The following PCSK1 variants were observed in gnomAD, a reference collection of about 807,000 sequenced individuals.
PCSK1 encodes neuroendocrine convertase 1.
In PCSK1, 56 loss-of-function variants were observed where a neutral mutation model predicts 90.6. That is an observed-to-expected ratio of 0.62 (90% CI 0.50 to 0.77). PCSK1 has a LOEUF of 0.77. Among genes scored for constraint, PCSK1 ranks in the 30% least tolerant of loss-of-function variants. The pLI, the probability that PCSK1 is intolerant of heterozygous loss-of-function variation, is 0.00. For synonymous variants in PCSK1, 348 were observed against 342.4 expected, an observed-to-expected ratio of 1.02 and a Z score of -0.18; for missense variants, 801 against 932.6, an observed-to-expected ratio of 0.86 and a Z score of 1.84.
chr5:96,400,384 T>A (rs1259795887), intron 9 of PCSK1, among the ~76,000 whole-genome samples, 198 bp from the exon 10 acceptor site: 1 of 152,268 alleles, frequency 6.6e-6, no homozygotes, highest in Non-Finnish European at 1.5e-5. Flanking sequence ...CTTCTCCCTG[T>A]AACATATAAG....
Position 96,428,986 on chromosome 5 carries a change from C to T in PCSK1, c.285+227G>A, listed in dbSNP as rs13159579. Reference sequence around the variant, plus strand: ...TATATGTAATTATATAATTAAACTGCGTATATATGTGTAAAATTAACTTTG... The same window carrying T: ...TATATGTAATTATATAATTAAACTGTGTATATATGTGTAAAATTAACTTTG... On this transcript the variant is annotated intron_variant, in intron 2 of 13. Transcript: ENST00000311106. Among the ~76,000 whole-genome samples the T allele has an allele frequency of 0.27, 40,368 of 151,740 alleles. 5,501 individuals are homozygous for T. Among genetic ancestry groups the T allele is most frequent in the African/African-American group, 0.29 (12,065 of 41,398 alleles).
At position 96,398,875 on chromosome 5, in the gene PCSK1, T is replaced by C. The variant is rs1482048841; in HGVS notation, c.1588+4A>G. On this transcript the variant is annotated splice_donor_region_variant and intron_variant, in intron 11 of 13. Coordinates refer to ENST00000311106, the MANE Select transcript of PCSK1 (RefSeq NM_000439.5). Reference sequence around the variant, plus strand: ...ATAAATGGCTTAGAACTTTTTTAATTTACCAGCAGCAGAAGTAAGTGTGAC... The same window carrying C: ...ATAAATGGCTTAGAACTTTTTTAATCTACCAGCAGCAGAAGTAAGTGTGAC... 6.2e-7 allele frequency: 1 copy of C among 1,612,060 alleles called. No individual in the cohort carries two copies.
chr5:96,411,527 G>T (rs891049452), intron 7 of PCSK1, among the ~76,000 whole-genome samples: 1 of 152,184 alleles, frequency 6.6e-6, no homozygotes, highest in Admixed American at 6.5e-5. Flanking sequence ...CAAGGCTTTA[G>T]AATCTGTGCA....
rs758668028 is a variant in PCSK1 at position 96,433,065 on chromosome 5, A to T, written c.-23T>A. ...CATAGCTCACACACTCGCTTGAACAAGAGTGGGAAGGGAAGAGGAAAAAGA... is the reference window on the plus strand; with the variant it reads ...CATAGCTCACACACTCGCTTGAACATGAGTGGGAAGGGAAGAGGAAAAAGA... On this transcript the variant is annotated 5_prime_UTR_variant, in exon 1 of 14. It adds an upstream start codon to the 5' untranslated region. Transcript: ENST00000311106. 5 of 1,610,232 alleles carry T rather than the reference A, an allele frequency of 3.1e-6. No individual in the cohort carries two copies. The highest frequency in any genetic ancestry group is 3.4e-6 in the Non-Finnish European group (4 of 1,176,612).
intron 9 of PCSK1, among the ~76,000 whole-genome samples, chr5:96,407,740 T>C (rs1032778023): frequency 2.0e-5 from 3 of 152,216 alleles, no homozygotes; most frequent in Non-Finnish European, 4.4e-5. Flanking sequence ...AAATCTCATG[T>C]CCCCTGATGT....
chr5:96,429,687 G>A (rs114087215), intron 1 of PCSK1, among the ~76,000 whole-genome samples: 3,728 of 152,166 alleles, frequency 0.024, 151 homozygotes, highest in African/African-American at 0.085. Context: ...GCTCTCACTT[G>A]TGAGTGAGAA....
rs1760929057 is a variant in PCSK1 at position 96,416,063 on chromosome 5, C to T, written c.679G>A (p.Val227Ile). 3.1e-6 allele frequency: 5 copies of T among 1,612,612 alleles called. No individual in the cohort carries two copies. Among genetic ancestry groups the T allele is most frequent in the Admixed American group, 1.7e-5 (1 of 59,998 alleles). Residue 227 changes from valine (V) to isoleucine (I), a missense_variant, in exon 6 of 14, where the codon GTT becomes ATT. Transcript: ENST00000311106. ...ACTTTGGAATTGTATGCAACTCCAA[C>T]CCCGCATTTGTGATTATTTGCTTGC... ...AMQANNHKCG[V>I]GVAYNSKVGG...
Position 96,399,029 on chromosome 5 carries a change from T to C in PCSK1, c.1438A>G (p.Lys480Glu), listed in dbSNP as rs1477642168. 6.2e-7 allele frequency: 1 copy of C among 1,609,102 alleles called. No homozygotes were observed. Among genetic ancestry groups the C allele is most frequent in the Non-Finnish European group, 8.5e-7 (1 of 1,176,444 alleles). ...TCAATGATAACTTCTCCATTAGCTT[T>C]CAGGGCTCTAAATACATTAAAGAAT... ...KDNDFEPRAL[K>E]ANGEVIIEIP... Residue 480 changes from lysine (K) to glutamate (E), a missense_variant, in exon 11 of 14, where the codon AAA (lysine) becomes GAA (glutamate). Transcript: ENST00000311106.
chr5:96,430,215 G>A lies in PCSK1; in HGVS notation c.181-898C>T, dbSNP rs146770512. ...TCTCCGGGTATCTATTGACATCTTT[G>A]GTTCATTTAGGACTATATTCATTAT... On this transcript the variant is annotated intron_variant, in intron 1 of 13. Transcript: ENST00000311106. Among the ~76,000 whole-genome samples, 607 of 152,196 alleles carry A rather than the reference G, an allele frequency of 4.0e-3. 3 individuals are homozygous for A. The highest frequency in any genetic ancestry group is 0.014 in the African/African-American group (586 of 41,524).
rs114790394 is a variant in PCSK1, at chr5:96,405,475, A to T, written c.1196+2748T>A. 3.2e-3 allele frequency among the ~76,000 whole-genome samples: 490 copies of T among 152,304 alleles called. 1 individual carries two copies. Among genetic ancestry groups the T allele is most frequent in the African/African-American group, 0.011 (456 of 41,566 alleles). On this transcript the variant is annotated intron_variant, in intron 9 of 13. Coordinates refer to ENST00000311106, the MANE Select transcript of PCSK1 (RefSeq NM_000439.5). ...CAGAGACTGAGATTAATGAGGCTAGATCATTCCTAGATCATTTTCTCCTAC... is the reference window on the plus strand; with the variant it reads ...CAGAGACTGAGATTAATGAGGCTAGTTCATTCCTAGATCATTTTCTCCTAC...
intron 3 of PCSK1, among the ~76,000 whole-genome samples, chr5:96,424,288 C>A (rs1289583942): frequency 6.6e-6 from 1 of 152,092 alleles, no homozygotes; most frequent in African/African-American, 2.4e-5. Flanking sequence ...GGTGGGGTGA[C>A]AAGTATTTGC....
At chr5:96,423,723 G>C (rs1761196975) in intron 3 of PCSK1, among the ~76,000 whole-genome samples, 1 of 152,092 alleles carries the variant, frequency 6.6e-6, no homozygotes, top group Admixed American at 6.5e-5. Flanking sequence ...GAACTACATG[G>C]CTTTGAAGAA....
intron 8 of PCSK1, among the ~76,000 whole-genome samples, chr5:96,408,545 G>A (rs952030736): frequency 9.2e-5 from 14 of 152,212 alleles, no homozygotes; most frequent in African/African-American, 3.4e-4. Flanking sequence ...GCAGCAAGAT[G>A]CCTTTTCTGG....
intron 10 of PCSK1, 39 bp downstream of exon 10, chr5:96,399,914 A>T (rs763662363): frequency 6.9e-7 from 1 of 1,454,376 alleles, no homozygotes; most frequent in Non-Finnish European, 9.7e-7. Flanking sequence ...AAATTATGCC[A>T]TGGGCACACA....
chr5:96,420,226 CAG>C (rs925957017), intron 5 of PCSK1, among the ~76,000 whole-genome samples: 55 of 152,270 alleles, frequency 3.6e-4, no homozygotes, highest in African/African-American at 1.2e-3. Flanking sequence ...GGAATAGAGG[CAG>C]AGAGAGGTAA....
At chr5:96,413,415 T>A (rs1221637617) in intron 6 of PCSK1, among the ~76,000 whole-genome samples, 2 of 152,234 alleles carry the variant, frequency 1.3e-5, no homozygotes, top group African/African-American at 4.8e-5. Context: ...AGCCTTAGAT[T>A]TTCACACTTA....
Position 96,410,878 on chromosome 5 carries a change from T to A in PCSK1, c.991A>T (p.Ile331Phe). The A allele has an allele frequency of 1.2e-6, 2 of 1,614,080 alleles. No homozygotes were observed. The highest frequency in any genetic ancestry group is 1.7e-6 in the Non-Finnish European group (2 of 1,179,930). ...GYTDSIYTIS[I>F]SSASQQGLSP... ...AGGCCTTGCTGGGAGGCACTGCTGA[T>A]GGAGATGGTGTAGATGCTGTCTGTG... Residue 331 changes from isoleucine (I) to phenylalanine (F), a missense_variant, in exon 8 of 14, where the codon ATC becomes TTC. Ile to Phe is a conservative substitution (Grantham distance 21). Transcript: ENST00000311106.
rs754122677 is a variant in PCSK1, at chr5:96,408,297, G to A, written c.1122C>T (p.Cys374=). The A allele has an allele frequency of 6.2e-7, 1 of 1,613,916 alleles. No homozygotes were observed. The highest frequency in any genetic ancestry group is 1.3e-5 in the African/African-American group (1 of 74,930). The change falls in exon 9 of 14, where the codon TGC becomes TGT. Residue 374 remains cysteine (C), a synonymous_variant. Coordinates refer to ENST00000311106, the MANE Select transcript of PCSK1 (RefSeq NM_000439.5). The stretch of plus-strand genomic sequence containing the variant: ...CCGAGGTGCCTGTGTGCGTCTCCGT[G>A]CAGTCATTGTGCAGGTCAGCGCTCG... The part of the protein sequence containing the change: ...RITSADLHND[C]TETHTGTSAS...
At chr5:96,428,300 C>T (rs1761383043) in intron 2 of PCSK1, among the ~76,000 whole-genome samples, 1 of 152,138 alleles carries the variant, frequency 6.6e-6, no homozygotes, top group Admixed American at 6.5e-5. Context: ...TTTTAATCCT[C>T]TCACCAAGAG....
Sources: gnomAD v4.1 joint callset for allele counts (sites outside exome capture counted in the v4.1 genomes callset) on GRCh38, gnomAD v4.1.1 for gene constraint, MANE v1.5 for transcripts, NCBI Gene and HGNC (gene_info 2026-07-23, HGNC 2026-07-21) for gene names.